Variants in EFNA5 observed in about 807,000 individuals in gnomAD.
EFNA5 encodes ephrin A5, also known as ephrin-A5.
EFNA5 carries 5 observed loss-of-function variants against 22.9 expected under a neutral mutation model. That is an observed-to-expected ratio of 0.22 (90% CI 0.11 to 0.46). EFNA5 has a LOEUF of 0.46. Among genes scored for constraint, EFNA5 ranks in the 20% least tolerant of loss-of-function variants. The probability of loss-of-function intolerance (pLI) is 0.99; values close to 1 mark genes in which losing one functional copy is unlikely to be tolerated. For synonymous variants in EFNA5, 113 were observed against 112.2 expected, an observed-to-expected ratio of 1.01 and a Z score of -0.04; for missense variants, 237 against 293.3, an observed-to-expected ratio of 0.81 and a Z score of 1.40.
intron 1 of EFNA5, among the ~76,000 whole-genome samples, chr5:107,610,685 A>G (rs548982849): frequency 6.6e-6 from 1 of 152,194 alleles, no homozygotes; most frequent in Admixed American, 6.5e-5. Flanking sequence ...ATACAGTGTC[A>G]AAGTCCCCAG....
At chr5:107,444,178 C>T (rs763021369) in intron 1 of EFNA5, among the ~76,000 whole-genome samples, 2 of 152,194 alleles carry the variant, frequency 1.3e-5, no homozygotes, top group Non-Finnish European at 2.9e-5. Flanking sequence ...TTCTGCACCC[C>T]TGAAAAAAGC....
chr5:107,445,107 C>G (rs1331390255), intron 1 of EFNA5, among the ~76,000 whole-genome samples: 1 of 151,978 alleles, frequency 6.6e-6, no homozygotes, highest in African/African-American at 2.4e-5. Context: ...ACTGCAACCT[C>G]CACCTCCTGA....
intron 1 of EFNA5, among the ~76,000 whole-genome samples, chr5:107,664,770 ATTGAGGCTTCC>A (rs1255674442): frequency 2.6e-5 from 4 of 152,180 alleles, no homozygotes; most frequent in Admixed American, 2.6e-4. Flanking sequence ...GCTTAGGGAA[ATTGAGGCTTCC>A]TTTGCAACAT....
chr5:107,413,344 C>G (rs966891333), intron 2 of EFNA5, among the ~76,000 whole-genome samples: 1 of 152,056 alleles, frequency 6.6e-6, no homozygotes, highest in African/African-American at 2.4e-5. Context: ...CACTGTTGAC[C>G]TTTAATCATA....
At chr5:107,519,734 T>A (rs139451419) in intron 1 of EFNA5, among the ~76,000 whole-genome samples, 1 of 152,244 alleles carries the variant, frequency 6.6e-6, no homozygotes, top group Non-Finnish European at 1.5e-5. Flanking sequence ...TAAAAAAATA[T>A]GCAACTGTGC....
intron 1 of EFNA5, among the ~76,000 whole-genome samples, chr5:107,651,111 T>C (rs1750720421): frequency 6.6e-6 from 1 of 152,188 alleles, no homozygotes; most frequent in South Asian, 2.1e-4. Context: ...CCCTTCAACA[T>C]TTCATCAAGT....
rs193293533 is a variant in EFNA5, at chr5:107,490,704, C to T, written c.126-63195G>A. On this transcript the variant is annotated intron_variant, in intron 1 of 4. Coordinates refer to ENST00000333274, the MANE Select transcript of EFNA5 (RefSeq NM_001962.3). ...TGCTTGTCACTGCATAGGTAAAGGA[C>T]ACTGATACAGGTAAAGAAGTCTGCA... Among the ~76,000 whole-genome samples the T allele has an allele frequency of 3.1e-3, 472 of 152,272 alleles. 11 individuals are homozygous for T. Among genetic ancestry groups the T allele is most frequent in the Non-Finnish European group, 9.9e-4 (67 of 68,020 alleles).
rs76566307 is a variant in EFNA5, at chr5:107,589,639, G to A, written c.125+80850C>T. 7.2e-3 allele frequency among the ~76,000 whole-genome samples: 1,092 copies of A among 152,196 alleles called. 15 individuals are homozygous for A. Among genetic ancestry groups the A allele is most frequent in the African/African-American group, 0.026 (1,062 of 41,522 alleles). ...TGTTTCCCTGCAGCTCCCACAATGC[G>A]GAGTGAAAGAGGCCATTTATCTGTT... is the stretch of plus-strand genomic sequence containing the variant. On this transcript the variant is annotated intron_variant, in intron 1 of 4. Coordinates refer to ENST00000333274, the MANE Select transcript of EFNA5 (RefSeq NM_001962.3).
intron 1 of EFNA5, among the ~76,000 whole-genome samples, chr5:107,618,678 A>G (rs1185295465): frequency 1.3e-5 from 2 of 152,176 alleles, no homozygotes; most frequent in Non-Finnish European, 2.9e-5. Context: ...TATTTTGGAG[A>G]AAACTTATAC....
chr5:107,630,212 T>G (rs564096316), intron 1 of EFNA5, among the ~76,000 whole-genome samples: 1 of 152,208 alleles, frequency 6.6e-6, no homozygotes, highest in Non-Finnish European at 1.5e-5. Flanking sequence ...CTCTAAACTA[T>G]AGTCTGTTTA....
At chr5:107,407,177 C>A (rs1257654400) in intron 2 of EFNA5, among the ~76,000 whole-genome samples, 2 of 152,134 alleles carry the variant, frequency 1.3e-5, no homozygotes, top group East Asian at 3.9e-4. Context: ...GGCAAACTAT[C>A]AACCAAACAT....
intron 1 of EFNA5, among the ~76,000 whole-genome samples, chr5:107,649,372 T>C (rs998428425): frequency 3.9e-5 from 6 of 152,270 alleles, no homozygotes; most frequent in Non-Finnish European, 8.8e-5. Context: ...TGGCAAAACA[T>C]CTGGCAACAG....
In EFNA5 at chr5:107,405,699, G is replaced by C. The variant is rs144343293; in HGVS notation, c.419-17928C>G. ...CCAGAGTGATCCTGGTGGAAACTAA[G>C]TCAGATCATGTTACTTCTGTGTTCT... On this transcript the variant is annotated intron_variant, in intron 2 of 4. Coordinates refer to ENST00000333274, the MANE Select transcript of EFNA5 (RefSeq NM_001962.3). Among the ~76,000 whole-genome samples the C allele has an allele frequency of 1.1e-3, 168 of 152,126 alleles. 1 individual carries two copies. Among genetic ancestry groups the C allele is most frequent in the Admixed American group, 2.0e-3 (31 of 15,270 alleles).
chr5:107,381,201 C>A lies in EFNA5; in HGVS notation c.*54G>T. 1 of 1,565,316 alleles carries A rather than the reference C, an allele frequency of 6.4e-7. No homozygotes were observed. ...TTAGGATGAGCAGTTAGGTGGATCT[C>A]TGGTGTTCCAAGACCCTGATGTTTT... On this transcript the variant is annotated 3_prime_UTR_variant, in exon 5 of 5. Transcript: ENST00000333274.
intron 2 of EFNA5, among the ~76,000 whole-genome samples, chr5:107,393,898 G>C (rs1445968225): frequency 6.6e-6 from 1 of 152,130 alleles, no homozygotes; most frequent in Non-Finnish European, 1.5e-5. Flanking sequence ...GAGTGGAGTG[G>C]GGAAACAGAA....
intron 1 of EFNA5, among the ~76,000 whole-genome samples, chr5:107,579,529 T>C (rs567775239): frequency 6.6e-6 from 1 of 151,568 alleles, no homozygotes; most frequent in South Asian, 2.1e-4. Flanking sequence ...TGACCCAGTC[T>C]TAAAAAGAAA....
intron 1 of EFNA5, among the ~76,000 whole-genome samples, chr5:107,451,980 T>C (rs1580460243): frequency 6.6e-6 from 1 of 151,884 alleles, no homozygotes; most frequent in Non-Finnish European, 1.5e-5. Context: ...AACTCAAAGG[T>C]CCATCAATGA....
rs896381207 is a variant in EFNA5 at position 107,659,741 on chromosome 5, G to C, written c.125+10748C>G. Among the ~76,000 whole-genome samples, 9 of 151,918 alleles carry C rather than the reference G, an allele frequency of 5.9e-5. 1 individual carries two copies. The highest frequency in any genetic ancestry group is 3.3e-4 in the Admixed American group (5 of 15,246). ...AGTCAGATATGTTAATATATGTATT[G>C]ATAACAAGACCATGCCAAAATAATA... is the stretch of plus-strand genomic sequence containing the variant. On this transcript the variant is annotated intron_variant, in intron 1 of 4. Coordinates refer to ENST00000333274, the MANE Select transcript of EFNA5 (RefSeq NM_001962.3).
chr5:107,559,401 G>C (rs1224894921), intron 1 of EFNA5, among the ~76,000 whole-genome samples: 5 of 152,186 alleles, frequency 3.3e-5, no homozygotes, highest in Non-Finnish European at 5.9e-5. Context: ...TTAGGATATA[G>C]TATAGCAACA....
Sources: allele counts gnomAD v4.1 joint callset (sites outside exome capture counted in the v4.1 genomes callset), GRCh38; gene constraint gnomAD v4.1.1; transcripts MANE v1.5; gene names NCBI Gene and HGNC (gene_info 2026-07-23, HGNC 2026-07-21).